PTPRU: variants seen among roughly 807,000 people sequenced by gnomAD.
The protein encoded by PTPRU is protein tyrosine phosphatase receptor type U, also known as receptor-type tyrosine-protein phosphatase U.
A neutral mutation model predicts 166.3 loss-of-function variants in PTPRU; 69 were observed. The ratio of observed to expected loss-of-function variants is 0.41; its 90% CI spans 0.34 to 0.51. The LOEUF (loss-of-function observed/expected upper bound fraction) is 0.51. Ranked by LOEUF, PTPRU falls within the 20% of genes least tolerant of loss-of-function variation. PTPRU has a pLI of 0.09. For synonymous variants in PTPRU, 793 were observed against 814.0 expected (o/e 0.97, Z 0.44); for missense variants, 1,657 against 2,013.7 (o/e 0.82, Z 3.39).
In PTPRU at chr1:29,283,760, C is replaced by T. The variant is rs1574660639; in HGVS notation, c.2143-180C>T. 31 of 680,082 alleles carry T rather than the reference C, an allele frequency of 4.6e-5. No individual in the cohort carries two copies. In the South Asian group the frequency reaches 5.5e-4, roughly 12 times the overall value. The allele number at this position is 680,082 out of a possible 1,614,324, so 42.1% of individuals were successfully genotyped here. A position where few individuals can be genotyped will look rare whatever the true frequency, so the allele number is the denominator to read the frequency against. The stretch of plus-strand genomic sequence containing the variant: ...CTTTCCTAAGGCACTGCAGGTGCCT[C>T]CCCTCTAGGCCCCGCTCTCAAGGGT... On this transcript the variant is annotated intron_variant, in intron 12 of 29. Transcript: ENST00000373779.
At position 29,260,103 on chromosome 1, in the gene PTPRU, ACGGGGGCGGGCTCTGCC is replaced by A; in HGVS notation, c.850+68_850+84del. Reference sequence around the variant, plus strand: ...TCACCCTCGAGGGGCGGGGCCGGCGACGGGGGCGGGCTCTGCCCGGGGGCGTGGCCGTGGGGGGTGGG... The same window carrying A: ...TCACCCTCGAGGGGCGGGGCCGGCGACGGGGGCGTGGCCGTGGGGGGTGGG... On this transcript the variant is annotated intron_variant, in intron 6 of 29. Transcript: ENST00000373779. This position sits in a 1 kb window ranked among gnomAD's most constrained non-coding sequence, Gnocchi z 8.3. 2 of 925,292 alleles carry A rather than the reference ACGGGGGCGGGCTCTGCC, an allele frequency of 2.2e-6. No homozygotes were observed. The highest frequency in any genetic ancestry group is 2.7e-6 in the Non-Finnish European group (2 of 730,472). The allele number at this position is 925,292 out of a possible 1,614,324, so 57.3% of individuals were successfully genotyped here.
rs1169986224 is a variant in PTPRU, at chr1:29,315,570, A to G, written c.3363+63A>G. 5 of 1,603,682 alleles carry G rather than the reference A, an allele frequency of 3.1e-6. No individual in the cohort carries two copies. The highest frequency in any genetic ancestry group is 4.3e-6 in the Non-Finnish European group (5 of 1,172,922). ...CTAGGACTGGAGTTTCTCGTGAAGG[A>G]TCCTGGAGCCGGCAGAGCATGCCCA... On this transcript the variant is annotated intron_variant, in intron 23 of 29. Transcript: ENST00000373779. This position sits in a 1 kb window ranked among gnomAD's most constrained non-coding sequence, Gnocchi z 4.5.
intron 16 of PTPRU, 27 bp downstream of exon 16, chr1:29,304,072 A>G (rs746125211): frequency 6.9e-6 from 11 of 1,588,622 alleles, no homozygotes; most frequent in Admixed American, 1.7e-5. Context: ...GGCCAGCAGG[A>G]TCCCTGCAGA....
In PTPRU at chr1:29,237,646, C is replaced by T. The variant is rs1160836179; in HGVS notation, c.73+929C>T. On this transcript the variant is annotated intron_variant, in intron 1 of 29. Coordinates refer to ENST00000373779, the MANE Select transcript of PTPRU (RefSeq NM_133178.4). This position sits in a 1 kb window ranked among gnomAD's most constrained non-coding sequence, Gnocchi z 6.4. Reference sequence around the variant, plus strand: ...CCTGGGCTGCCCGGGTCGGGCAGGGCCCGAGGCTCAGGGGAGGACCGGGCC... The same window carrying T: ...CCTGGGCTGCCCGGGTCGGGCAGGGTCCGAGGCTCAGGGGAGGACCGGGCC... Among the ~76,000 whole-genome samples, 2 of 151,292 alleles carry T rather than the reference C, an allele frequency of 1.3e-5. No individual in the cohort carries two copies. Among genetic ancestry groups the T allele is most frequent in the Admixed American group, 6.6e-5 (1 of 15,204 alleles).
At position 29,316,142 on chromosome 1, in the gene PTPRU, A is replaced by G. The variant is rs150485708; in HGVS notation, c.3504A>G (p.Glu1168=). The G allele has an allele frequency of 3.5e-4, 562 of 1,613,932 alleles. 2 individuals carry two copies. The African/African-American group carries it at 7.1e-3, about 20-fold the overall frequency. The change falls in exon 24 of 30, where the codon GAA becomes GAG. Residue 1168 remains glutamate (E), a synonymous_variant. Transcript: ENST00000373779. ...AGAGTAATTCCTCCCAGCTGCGGGAAGAGTTCCAGGTGGGGGATGAGTGCG... is the reference window on the plus strand; with the variant it reads ...AGAGTAATTCCTCCCAGCTGCGGGAGGAGTTCCAGGTGGGGGATGAGTGCG... The part of the protein sequence containing the change: ...DPQSNSSQLR[E]EFQTLNSVTP...
chr1:29,282,379 C>T, intron 11 of PTPRU, among the ~76,000 whole-genome samples: 1 of 152,206 alleles, frequency 6.6e-6, no homozygotes, highest in East Asian at 1.9e-4. Flanking sequence ...GAGCAGGGTC[C>T]ACGATCCTCT....
chr1:29,243,872 C>T (rs1421723170), intron 1 of PTPRU, among the ~76,000 whole-genome samples: 1 of 152,150 alleles, frequency 6.6e-6, no homozygotes, highest in African/African-American at 2.4e-5. Context: ...GCTGGCTATG[C>T]CTCCTCCTCT....
chr1:29,294,686 A>C (rs1686800978), intron 15 of PTPRU, among the ~76,000 whole-genome samples: 1 of 152,178 alleles, frequency 6.6e-6, no homozygotes, highest in Non-Finnish European at 1.5e-5. Context: ...TCTAGAACTT[A>C]TAACATTTTA....
Position 29,304,063 on chromosome 1 carries a change from G to A in PTPRU, c.2667+18G>A, listed in dbSNP as rs771378831. On this transcript the variant is annotated intron_variant, in intron 16 of 29. Transcript: ENST00000373779. ...AGTATGAGGTGCACGCCGGCCCCGG[G>A]CCAGCAGGATCCCTGCAGAGGCCTC... 6.3e-7 allele frequency: 1 copy of A among 1,592,744 alleles called. No individual in the cohort carries two copies. Among genetic ancestry groups the A allele is most frequent in the South Asian group, 1.1e-5 (1 of 89,900 alleles).
intron 15 of PTPRU, among the ~76,000 whole-genome samples, chr1:29,295,232 C>T (rs544000076): frequency 2.4e-4 from 37 of 151,354 alleles, no homozygotes; most frequent in Non-Finnish European, 4.7e-4. Context: ...TTGGTAGAGA[C>T]GGGGTTTCAC....
Position 29,315,458 on chromosome 1 carries a change from A to C in PTPRU, c.3314A>C (p.Asn1105Thr), listed in dbSNP as rs769048566. 1 of 1,613,816 alleles carries C rather than the reference A, an allele frequency of 6.2e-7. No individual in the cohort carries two copies. The highest frequency in any genetic ancestry group is 8.5e-7 in the Non-Finnish European group (1 of 1,179,982). Residue 1105 changes from asparagine (N) to threonine (T), a missense_variant, in exon 23 of 30, where the codon AAC becomes ACC. Asn to Thr is a moderately conservative substitution (Grantham distance 65). This residue lies in a region of PTPRU where 1,190 missense variants were observed against 1,477.4 expected (regional missense o/e 0.81). Coordinates refer to ENST00000373779, the MANE Select transcript of PTPRU (RefSeq NM_133178.4). This position sits in a 1 kb window ranked among gnomAD's most constrained non-coding sequence, Gnocchi z 4.5. ...TGTGAGGGCGTCGTGGACATTTACAACTGTGTGAAGACTCTCTGCTCCCGG... is the reference window on the plus strand; with the variant it reads ...TGTGAGGGCGTCGTGGACATTTACACCTGTGTGAAGACTCTCTGCTCCCGG... ...AECEGVVDIY[N>T]CVKTLCSRRV...
Position 29,317,965 on chromosome 1 carries a change from GC to G in PTPRU, c.3687+45del. 1 of 1,603,526 alleles carries G rather than the reference GC, an allele frequency of 6.2e-7. No individual in the cohort carries two copies. On this transcript the variant is annotated intron_variant, in intron 25 of 29. Transcript: ENST00000373779. This position sits in a 1 kb window ranked among gnomAD's most constrained non-coding sequence, Gnocchi z 5.6. ...GTGGGCTCTGGGGCTCCCCTTCCCA[GC>G]AGCATCAGGGAAGGTCCAGGGGCCA... is the stretch of plus-strand genomic sequence containing the variant.
At chr1:29,325,094 C>T in intron 28 of PTPRU, 97 bp from the exon 29 acceptor site, 2 of 1,506,530 alleles carry the variant, frequency 1.3e-6, no homozygotes, top group Non-Finnish European at 1.8e-6. Context: ...CCGTCCCTCT[C>T]CTCTAGGCTC....
chr1:29,245,931 G>T (rs985932480), intron 1 of PTPRU, among the ~76,000 whole-genome samples: 1 of 152,256 alleles, frequency 6.6e-6, no homozygotes, highest in South Asian at 2.1e-4. Context: ...CTCTTTTGGG[G>T]TTTGGGCATA....
chr1:29,254,340 T>G (rs1306142905), intron 1 of PTPRU, among the ~76,000 whole-genome samples: 3 of 152,196 alleles, frequency 2.0e-5, no homozygotes, highest in Non-Finnish European at 4.4e-5. Context: ...ATGAACTCAC[T>G]AAGATATATG....
Position 29,275,600 on chromosome 1 carries a change from CAGA to C in PTPRU, c.1298_1300del (p.Gln433_Thr434delinsPro), listed in dbSNP as rs754474692. On this transcript the variant is annotated inframe_deletion, in exon 8 of 30. Transcript: ENST00000373779. Reference sequence around the variant, plus strand: ...CTACACCCTGGGCAGCAGCCACAACCAGACCATCCGAGAGTGTGTGAAGACAGA... The same window carrying C: ...CTACACCCTGGGCAGCAGCCACAACCCCATCCGAGAGTGTGTGAAGACAGA... The C allele has an allele frequency of 6.2e-7, 1 of 1,614,226 alleles. No individual in the cohort carries two copies. Among genetic ancestry groups the C allele is most frequent in the Non-Finnish European group, 8.5e-7 (1 of 1,180,048 alleles).
intron 1 of PTPRU, among the ~76,000 whole-genome samples, chr1:29,240,282 A>G (rs995221836): frequency 6.6e-6 from 1 of 152,198 alleles, no homozygotes; most frequent in Non-Finnish European, 1.5e-5. Flanking sequence ...TATTGTAATT[A>G]CAGTTTATTA....
chr1:29,323,230 G>A (rs1186440102), intron 26 of PTPRU, 141 bp from the exon 27 acceptor site: 15 of 1,150,282 alleles, frequency 1.3e-5, no homozygotes, highest in South Asian at 3.1e-5. Context: ...GGGAGCTGCT[G>A]AAGGTGAGTC....
In PTPRU at chr1:29,325,704, A is replaced by G; in HGVS notation, c.*43A>G. ...GCACCCACTGCACACTCAGGGCCAG[A>G]CCCACCATCCTGGACTGGCGAGGAA... On this transcript the variant is annotated 3_prime_UTR_variant, in exon 30 of 30. Transcript: ENST00000373779. The G allele has an allele frequency of 6.6e-7, 1 of 1,517,038 alleles. No individual in the cohort carries two copies. The allele number at this position is 1,517,038 out of a possible 1,614,324, so 94.0% of individuals were successfully genotyped here. A position where few individuals can be genotyped will look rare whatever the true frequency, so the allele number is the denominator to read the frequency against.
Sources: gnomAD v4.1 joint callset for allele counts (sites outside exome capture counted in the v4.1 genomes callset) on GRCh38, gnomAD v4.1.1 for gene constraint, gnomAD v4.1.1 regional missense constraint, Gnocchi (gnomAD v3.1) non-coding constraint, MANE v1.5 for transcripts, NCBI Gene and HGNC (gene_info 2026-07-23, HGNC 2026-07-21) for gene names.